PTPN13: variants seen among roughly 807,000 people sequenced by gnomAD.
PTPN13 encodes the protein protein tyrosine phosphatase non-receptor type 13.
In PTPN13, 191 loss-of-function variants were observed where a neutral mutation model predicts 284.0. The ratio of observed to expected loss-of-function variants is 0.67; its 90% CI spans 0.60 to 0.76. PTPN13 has a LOEUF of 0.76. Ranked by LOEUF, PTPN13 falls within the 30% of genes least tolerant of loss-of-function variation. The probability of loss-of-function intolerance (pLI) is 0.00; values close to 1 mark genes in which losing one functional copy is unlikely to be tolerated. For missense variants in PTPN13, 2,797 were observed against 2,939.9 expected (o/e 0.95, Z 1.12); for synonymous variants, 986 against 1,022.3 (o/e 0.96, Z 0.68).
intron 3 of PTPN13, among the ~76,000 whole-genome samples, chr4:86,675,271 A>G (rs528812181): frequency 2.6e-5 from 4 of 152,320 alleles, no homozygotes; most frequent in African/African-American, 9.6e-5. Context: ...TGGAACTTCT[A>G]GCTTACCTCA....
intron 7 of PTPN13, among the ~76,000 whole-genome samples, chr4:86,708,266 C>T (rs1731986542): frequency 6.6e-6 from 1 of 152,038 alleles, no homozygotes; most frequent in Non-Finnish European, 1.5e-5. Flanking sequence ...TATAAAATAC[C>T]AACACTCAGT....
chr4:86,709,236 C>T (rs138506637), intron 7 of PTPN13, among the ~76,000 whole-genome samples: 29 of 152,196 alleles, frequency 1.9e-4, no homozygotes, highest in Middle Eastern at 3.4e-3. Context: ...TCAAAGCTTT[C>T]GGACACTGAT....
intron 14 of PTPN13, 116 bp downstream of exon 14, chr4:86,734,991 T>G: frequency 8.5e-6 from 10 of 1,179,934 alleles, no homozygotes; most frequent in Non-Finnish European, 1.1e-5. Context: ...TTTTTGAGGC[T>G]TCTTTGGTTC....
intron 3 of PTPN13, 31 bp from the exon 4 acceptor site, chr4:86,686,679 T>C (rs1196258037): frequency 7.2e-7 from 1 of 1,379,696 alleles, no homozygotes; most frequent in Non-Finnish European, 1.0e-6. Context: ...TATTTTATCA[T>C]AAAATTATTT....
At chr4:86,723,764 G>C (rs1210126114) in intron 10 of PTPN13, among the ~76,000 whole-genome samples, 3 of 152,072 alleles carry the variant, frequency 2.0e-5, no homozygotes, top group African/African-American at 7.2e-5. Context: ...GAAAGGTGAA[G>C]CAATATTTCA....
intron 10 of PTPN13, among the ~76,000 whole-genome samples, chr4:86,728,882 T>G (rs1371170276): frequency 8.8e-5 from 13 of 147,812 alleles, no homozygotes; most frequent in African/African-American, 2.2e-4. Context: ...GATCCTGTCA[T>G]TATGATGTTA....
At chr4:86,726,176 A>G (rs1415497295) in intron 10 of PTPN13, among the ~76,000 whole-genome samples, 2 of 149,322 alleles carry the variant, frequency 1.3e-5, no homozygotes, top group Non-Finnish European at 3.0e-5. Flanking sequence ...CCATTGGTCT[A>G]TATCTCTGTT....
intron 1 of PTPN13, among the ~76,000 whole-genome samples, chr4:86,623,623 G>C (rs1423819999): frequency 6.6e-6 from 1 of 151,984 alleles, no homozygotes; most frequent in Non-Finnish European, 1.5e-5. Context: ...TAGACTTTAG[G>C]GATTTTGATC....
chr4:86,760,111 C>T (rs998178163), intron 23 of PTPN13, among the ~76,000 whole-genome samples: 1 of 152,012 alleles, frequency 6.6e-6, no homozygotes, highest in Admixed American at 6.6e-5. Context: ...TTTCTTCTTA[C>T]TGGATATTAT....
chr4:86,747,533 TAGC>T (rs72329456), intron 17 of PTPN13, among the ~76,000 whole-genome samples: 1,951 of 151,654 alleles, frequency 0.013, 49 homozygotes, highest in African/African-American at 0.045. Context: ...GCGGTAATAG[TAGC>T]AGCAGCAGCA....
rs1214420401 is a variant in PTPN13 at position 86,701,716 on chromosome 4, C to T, written c.1110C>T (p.Thr370=). 3 of 1,613,940 alleles carry T rather than the reference C, an allele frequency of 1.9e-6. No individual in the cohort carries two copies. The highest frequency in any genetic ancestry group is 2.2e-5 in the East Asian group (1 of 44,884). ...DPIYHTRELP[T]SSAISSALDR... is the part of the protein sequence containing the mutation. The stretch of plus-strand genomic sequence containing the variant: ...TATATCACACTCGAGAATTGCCCAC[C>T]TCCTCAGCAATATCAAGTGCTTTGG... Residue 370 remains threonine, a synonymous_variant, in exon 7 of 48, where the codon ACC becomes ACT. Coordinates refer to ENST00000411767, the MANE Select transcript of PTPN13 (RefSeq NM_080683.3).
chr4:86,725,975 C>CAT (rs1734205836), intron 10 of PTPN13, among the ~76,000 whole-genome samples: 1 of 149,566 alleles, frequency 6.7e-6, no homozygotes, highest in South Asian at 2.1e-4. Context: ...GTCCTTAATC[C>CAT]ATTGTGAATT....
intron 2 of PTPN13, among the ~76,000 whole-genome samples, chr4:86,646,548 G>A (rs1028582188): frequency 2.0e-5 from 3 of 152,236 alleles, no homozygotes; most frequent in African/African-American, 7.2e-5. Context: ...TCGGCCTGCC[G>A]CAGCCTCCCA....
chr4:86,609,744 A>C (rs1054715669), intron 1 of PTPN13, among the ~76,000 whole-genome samples: 1 of 152,116 alleles, frequency 6.6e-6, no homozygotes, highest in African/African-American at 2.4e-5. Flanking sequence ...AGTTAGTCGT[A>C]AAAGCAAACG....
intron 1 of PTPN13, among the ~76,000 whole-genome samples, chr4:86,629,969 A>G (rs1446103615): frequency 6.6e-6 from 1 of 152,044 alleles, no homozygotes; most frequent in Non-Finnish European, 1.5e-5. Context: ...GTATCGCTGT[A>G]TTGCCCAGGC....
At position 86,770,094 on chromosome 4, in the gene PTPN13, C is replaced by T. The variant is rs765145922; in HGVS notation, c.4705-7C>T. Reference sequence around the variant, plus strand: ...GTACCTTCATTTGTCATTCATGGTACCCCCAGGAAGTCATATCTGCTCTCA... The same window carrying T: ...GTACCTTCATTTGTCATTCATGGTATCCCCAGGAAGTCATATCTGCTCTCA... On this transcript the variant is annotated splice_region_variant and splice_polypyrimidine_tract_variant and intron_variant, in intron 29 of 47. Coordinates refer to ENST00000411767, the MANE Select transcript of PTPN13 (RefSeq NM_080683.3). 1.7e-5 allele frequency: 28 copies of T among 1,612,548 alleles called. No individual in the cohort carries two copies. Among genetic ancestry groups the T allele is most frequent in the African/African-American group, 2.7e-5 (2 of 74,992 alleles).
chr4:86,713,191 G>A (rs1221929430), intron 7 of PTPN13, among the ~76,000 whole-genome samples: 1 of 151,904 alleles, frequency 6.6e-6, no homozygotes, highest in Non-Finnish European at 1.5e-5. Context: ...TTTAGATTTG[G>A]TTCTTATCCA....
intron 10 of PTPN13, among the ~76,000 whole-genome samples, chr4:86,723,420 A>G (rs1165854646): frequency 6.6e-6 from 1 of 152,190 alleles, no homozygotes; most frequent in African/African-American, 2.4e-5. Context: ...ATGAGAATCT[A>G]ATGCCTGATG....
chr4:86,684,774 G>T (rs1254398062), intron 3 of PTPN13, among the ~76,000 whole-genome samples: 4 of 152,170 alleles, frequency 2.6e-5, no homozygotes, highest in Non-Finnish European at 5.9e-5. Context: ...CTGTAGTAAG[G>T]ATGCTGCAAA....
Sources: gnomAD v4.1 joint callset for allele counts (sites outside exome capture counted in the v4.1 genomes callset) on GRCh38, gnomAD v4.1.1 for gene constraint, MANE v1.5 for transcripts, NCBI Gene and HGNC (gene_info 2026-07-23, HGNC 2026-07-21) for gene names.